The following ASH1L variants were observed in gnomAD, a reference collection of about 807,000 sequenced individuals.
ASH1L encodes ASH1 like histone lysine methyltransferase.
Under a neutral mutation model 269.0 loss-of-function variants are expected in ASH1L, and 23 were observed. The ratio of observed to expected loss-of-function variants is 0.09; its 90% CI spans 0.06 to 0.12. The LOEUF is 0.12. ASH1L is among the 10% of genes least tolerant of loss of function. The probability of loss-of-function intolerance (pLI) is 1.00; values close to 1 mark genes in which losing one functional copy is unlikely to be tolerated. For missense variants in ASH1L, 2,912 were observed against 3,567.8 expected, an observed-to-expected ratio of 0.82 and a Z score of 4.68; for synonymous variants, 1,187 against 1,253.5, an observed-to-expected ratio of 0.95 and a Z score of 1.12.
intron 4 of ASH1L, among the ~76,000 whole-genome samples, chr1:155,452,042 A>T (rs1426016455): frequency 7.2e-6 from 1 of 138,546 alleles, no homozygotes; most frequent in African/African-American, 2.7e-5. Context: ...TAAGATGGTA[A>T]TTTTTTTTTT....
chr1:155,477,990 A>G lies in ASH1L; in HGVS notation c.4880T>C (p.Leu1627Ser). 3 of 1,614,200 alleles carry G rather than the reference A, an allele frequency of 1.9e-6. No individual in the cohort carries two copies. The highest frequency in any genetic ancestry group is 2.5e-6 in the Non-Finnish European group (3 of 1,180,042). ...AGAAAAGAGTCCAGGGCTGTCAGTT[A>G]ATTTCTTCCGGCCACTGGAGTTAGG... is the stretch of plus-strand genomic sequence containing the variant. ...SNPNSSGRKKLTDSPGLFSAQ... is the reference protein window; with the variant it reads ...SNPNSSGRKKSTDSPGLFSAQ... The change falls in exon 3 of 28, where the codon TTA (leucine) becomes TCA (serine). Residue 1627 changes from leucine (L) to serine (S), a missense_variant. Around this residue, in one of 13 missense-constraint regions of ASH1L, gnomAD observed 789 missense variants for 897.6 expected, o/e 0.88. Coordinates refer to ENST00000392403, the MANE Select transcript of ASH1L (RefSeq NM_018489.3).
intron 6 of ASH1L, among the ~76,000 whole-genome samples, chr1:155,414,779 G>T (rs1283179095): frequency 6.6e-6 from 1 of 152,020 alleles, no homozygotes; most frequent in Non-Finnish European, 1.5e-5. Context: ...GTTCTGACTG[G>T]AATATCCTTC....
intron 3 of ASH1L, among the ~76,000 whole-genome samples, chr1:155,475,609 TG>T (rs1665480197): frequency 6.6e-6 from 1 of 152,234 alleles, no homozygotes; most frequent in Non-Finnish European, 1.5e-5. Context: ...TATCACTCTA[TG>T]GTTTGTCTTC....
chr1:155,402,322 A>T (rs1347229702), intron 6 of ASH1L, among the ~76,000 whole-genome samples: 6 of 152,144 alleles, frequency 3.9e-5, no homozygotes, highest in African/African-American at 1.4e-4. Flanking sequence ...TCATAATGTC[A>T]CCTTTCCCTA....
chr1:155,470,710 C>T (rs1460616174), intron 3 of ASH1L, among the ~76,000 whole-genome samples: 1 of 151,832 alleles, frequency 6.6e-6, no homozygotes, highest in Non-Finnish European at 1.5e-5. Flanking sequence ...TGCCACCATG[C>T]CTGGCTAATT....
chr1:155,536,676 T>A (rs2148880007), intron 1 of ASH1L, among the ~76,000 whole-genome samples: 1 of 152,184 alleles, frequency 6.6e-6, no homozygotes, highest in Non-Finnish European at 1.5e-5. Context: ...AAGGCTGCAG[T>A]GAGCTATGAT....
chr1:155,452,523 A>G (rs1169465096), intron 4 of ASH1L, among the ~76,000 whole-genome samples: 6 of 150,260 alleles, frequency 4.0e-5, no homozygotes, highest in Non-Finnish European at 8.9e-5. Context: ...TTCATTCCAG[A>G]GATACTTTAG....
At position 155,481,577 on chromosome 1, in the gene ASH1L, G is replaced by A; in HGVS notation, c.1293C>T (p.Pro431=). ...AINLKAEALL[P]TQEPLKASCS... is the part of the protein sequence containing the mutation. ...AAGAAGCCTTAAGCGGTTCCTGAGTGGGGAGCAGTGCTTCGGCTTTAAGGT... is the reference window on the plus strand; with the variant it reads ...AAGAAGCCTTAAGCGGTTCCTGAGTAGGGAGCAGTGCTTCGGCTTTAAGGT... The change falls in exon 3 of 28, where the codon CCC becomes CCT. Residue 431 remains proline (P), a synonymous_variant. Coordinates refer to ENST00000392403, the MANE Select transcript of ASH1L (RefSeq NM_018489.3). The A allele has an allele frequency of 6.2e-7, 1 of 1,614,154 alleles. No homozygotes were observed. The highest frequency in any genetic ancestry group is 8.5e-7 in the Non-Finnish European group (1 of 1,180,000).
chr1:155,497,580 T>G (rs1375301014), intron 2 of ASH1L, among the ~76,000 whole-genome samples: 1 of 152,210 alleles, frequency 6.6e-6, no homozygotes, highest in African/African-American at 2.4e-5. Flanking sequence ...GGCTATGTTA[T>G]CGTTAAGGCT....
intron 5 of ASH1L, among the ~76,000 whole-genome samples, chr1:155,432,230 G>C (rs1661665789): frequency 6.6e-6 from 1 of 152,102 alleles, no homozygotes; most frequent in African/African-American, 2.4e-5. Flanking sequence ...TTTTGTGTAT[G>C]CTCTCTCCTC....
chr1:155,354,448 A>C (rs759686348), intron 16 of ASH1L, 25 bp downstream of exon 16: 1 of 1,600,410 alleles, frequency 6.2e-7, no homozygotes. Flanking sequence ...TGTCTCAAAA[A>C]AAAGAAATGT....
At chr1:155,496,974 T>C (rs1423286440) in intron 2 of ASH1L, among the ~76,000 whole-genome samples, 1 of 152,102 alleles carries the variant, frequency 6.6e-6, no homozygotes, top group African/African-American at 2.4e-5. Flanking sequence ...TCGGCGTCAG[T>C]GATTTTCCGT....
intron 1 of ASH1L, among the ~76,000 whole-genome samples, chr1:155,553,674 A>G (rs542797181): frequency 1.3e-5 from 2 of 152,298 alleles, no homozygotes; most frequent in South Asian, 4.1e-4. Context: ...CTCACCACAG[A>G]TTGAATAACT....
At chr1:155,535,677 G>A (rs990354844) in intron 1 of ASH1L, among the ~76,000 whole-genome samples, 19 of 150,910 alleles carry the variant, frequency 1.3e-4, no homozygotes, top group Non-Finnish European at 8.8e-5. Context: ...ATAAATTAGC[G>A]ACACAAGATT....
intron 6 of ASH1L, among the ~76,000 whole-genome samples, chr1:155,405,761 T>G (rs1228096664): frequency 7.4e-6 from 1 of 135,494 alleles, no homozygotes; most frequent in Non-Finnish European, 1.6e-5. Context: ...ACCTGGGAGG[T>G]GGAGGTTGCA....
intron 5 of ASH1L, among the ~76,000 whole-genome samples, chr1:155,434,519 A>AG (rs1449136992): frequency 6.6e-6 from 1 of 151,788 alleles, no homozygotes; most frequent in African/African-American, 2.4e-5. Context: ...AAAAAAAAAA[A>AG]AAAAAAAATT....
Position 155,556,491 on chromosome 1 carries a change from C to A in ASH1L, c.-100+5662G>T, listed in dbSNP as rs1257989825. On this transcript the variant is annotated intron_variant, in intron 1 of 27. Transcript: ENST00000392403. ...ACAGAGTTTCACTCTGTCACCCAGG[C>A]TGGAGTGCAGTGGCGTGATCTCAGC... Among the ~76,000 whole-genome samples, 3 of 151,648 alleles carry A rather than the reference C, an allele frequency of 2.0e-5. No individual in the cohort carries two copies. In the South Asian group the frequency reaches 6.2e-4, roughly 32 times the overall value.
chr1:155,533,924 C>G (rs1255032888), intron 1 of ASH1L, among the ~76,000 whole-genome samples: 1 of 152,012 alleles, frequency 6.6e-6, no homozygotes, highest in Non-Finnish European at 1.5e-5. Flanking sequence ...CAAATGTTTT[C>G]TGAGAGCCTC....
intron 2 of ASH1L, among the ~76,000 whole-genome samples, chr1:155,507,262 A>G (rs10796947): frequency 0.54 from 80,857 of 150,420 alleles, 24,435 homozygotes; most frequent in Middle Eastern, 0.69. Flanking sequence ...CCTGGCCAAC[A>G]AGAGCGAAAC....
Sources: gnomAD v4.1 joint callset for allele counts (sites outside exome capture counted in the v4.1 genomes callset) on GRCh38, gnomAD v4.1.1 for gene constraint, gnomAD v4.1.1 regional missense constraint, MANE v1.5 for transcripts, NCBI Gene and HGNC (gene_info 2026-07-23, HGNC 2026-07-21) for gene names.